Variants in NOS1AP observed in about 807,000 individuals in gnomAD.
NOS1AP encodes the protein carboxyl-terminal PDZ ligand of neuronal nitric oxide synthase protein.
In NOS1AP, 21 loss-of-function variants were observed where a neutral mutation model predicts 56.2. The observed-to-expected ratio is 0.37, with a 90% CI of 0.26 to 0.54. NOS1AP has a LOEUF of 0.54. NOS1AP is among the 20% of genes least tolerant of loss of function. The probability of loss-of-function intolerance (pLI) is 0.84; values close to 1 mark genes in which losing one functional copy is unlikely to be tolerated. For synonymous variants in NOS1AP, 270 were observed against 274.6 expected, an observed-to-expected ratio of 0.98 and a Z score of 0.17; for missense variants, 522 against 657.8, an observed-to-expected ratio of 0.79 and a Z score of 2.26.
chr1:162,344,708 C>CA (rs60286000), intron 6 of NOS1AP, among the ~76,000 whole-genome samples: 65,199 of 135,048 alleles, frequency 0.48, 14,853 homozygotes, highest in East Asian at 0.79. Context: ...TAGGCTGCCT[C>CA]AAAAAAAAAA....
chr1:162,133,972 A>G (rs1430381584), intron 1 of NOS1AP, among the ~76,000 whole-genome samples: 1 of 152,250 alleles, frequency 6.6e-6, no homozygotes, highest in Non-Finnish European at 1.5e-5. Flanking sequence ...ATGTGAGATA[A>G]GCTAACTGGG....
chr1:162,091,811 A>G (rs1264619695), intron 1 of NOS1AP, among the ~76,000 whole-genome samples: 3 of 152,184 alleles, frequency 2.0e-5, no homozygotes, highest in Non-Finnish European at 4.4e-5. Flanking sequence ...AGTGCTGTGC[A>G]GTCTTGCTGT....
intron 2 of NOS1AP, among the ~76,000 whole-genome samples, chr1:162,252,316 G>T (rs1653892044): frequency 6.6e-6 from 1 of 152,248 alleles, no homozygotes; most frequent in East Asian, 1.9e-4. Context: ...CAACATGCTG[G>T]CTGGGATTAT....
At chr1:162,224,646 A>C (rs2101661342) in intron 2 of NOS1AP, among the ~76,000 whole-genome samples, 1 of 152,302 alleles carries the variant, frequency 6.6e-6, no homozygotes, top group African/African-American at 2.4e-5. Flanking sequence ...TAAAAGTGAA[A>C]AATTGTACTG....
chr1:162,307,187 TGTGC>T (rs1350058994), intron 4 of NOS1AP, among the ~76,000 whole-genome samples: 64 of 152,342 alleles, frequency 4.2e-4, no homozygotes, highest in African/African-American at 1.5e-3. Flanking sequence ...TGGAAGTCAC[TGTGC>T]TTTTGAGTTT....
chr1:162,110,084 G>A (rs1647655266), intron 1 of NOS1AP, among the ~76,000 whole-genome samples: 1 of 152,058 alleles, frequency 6.6e-6, no homozygotes, highest in African/African-American at 2.4e-5. Context: ...CCAGTGAGTG[G>A]GATAGCTGGG....
intron 6 of NOS1AP, among the ~76,000 whole-genome samples, chr1:162,350,469 C>G (rs2101814089): frequency 6.6e-6 from 1 of 152,324 alleles, no homozygotes; most frequent in African/African-American, 2.4e-5. Flanking sequence ...CCAGGTGGAG[C>G]CACTGCCCCT....
At chr1:162,174,012 G>A (rs1271379012) in intron 2 of NOS1AP, among the ~76,000 whole-genome samples, 1 of 152,086 alleles carries the variant, frequency 6.6e-6, no homozygotes, top group Non-Finnish European at 1.5e-5. Flanking sequence ...GATTCCTCAG[G>A]GATCTAGAAC....
intron 2 of NOS1AP, among the ~76,000 whole-genome samples, chr1:162,194,144 T>G (rs1651727666): frequency 6.6e-6 from 1 of 152,146 alleles, no homozygotes; most frequent in Admixed American, 6.6e-5. Context: ...TCTTTTCGTC[T>G]CCATCTGGTT....
Position 162,355,193 on chromosome 1 carries a change from A to G in NOS1AP, c.602A>G (p.Gln201Arg). ...NSNSSGDPGRQLTGAERASTA... is the reference protein window; with the variant it reads ...NSNSSGDPGRRLTGAERASTA... ...TCCCCTGTTGTTCCTGCAGGCCGCC[A>G]GCTCACTGGAGCCGAGAGGGCCTCC... Residue 201 changes from glutamine to arginine, a missense_variant, in exon 7 of 10, where the codon CAG becomes CGG. Physicochemically the swap from Gln to Arg is conservative, Grantham distance 43 (BLOSUM62 1). This residue lies in a region of NOS1AP where 178 missense variants were observed against 165.0 expected (regional missense o/e 1.08). Coordinates refer to ENST00000361897, the MANE Select transcript of NOS1AP (RefSeq NM_014697.3). 1 of 1,614,136 alleles carries G rather than the reference A, an allele frequency of 6.2e-7. No homozygotes were observed. Among genetic ancestry groups the G allele is most frequent in the Non-Finnish European group, 8.5e-7 (1 of 1,180,022 alleles).
At chr1:162,207,732 C>T (rs4233386) in intron 2 of NOS1AP, among the ~76,000 whole-genome samples, 126,027 of 152,162 alleles carry the variant, frequency 0.83, 52,521 homozygotes, top group East Asian at 0.88. Flanking sequence ...ACATACTGTA[C>T]GGTCTCAGTC....
intron 5 of NOS1AP, among the ~76,000 whole-genome samples, chr1:162,340,873 C>T (rs1475565119): frequency 1.3e-5 from 2 of 152,218 alleles, no homozygotes; most frequent in Non-Finnish European, 2.9e-5. Context: ...TACTTCCTTA[C>T]AGCCACTTTG....
At chr1:162,280,977 G>A (rs1181699770) in intron 2 of NOS1AP, among the ~76,000 whole-genome samples, 1 of 152,188 alleles carries the variant, frequency 6.6e-6, no homozygotes, top group East Asian at 1.9e-4. Context: ...CTGCCCCCAA[G>A]ATTCTGGTTC....
intron 4 of NOS1AP, among the ~76,000 whole-genome samples, chr1:162,332,208 G>A (rs893172260): frequency 6.6e-6 from 1 of 152,072 alleles, no homozygotes; most frequent in African/African-American, 2.4e-5. Flanking sequence ...GCCATGGTTT[G>A]GCCCAGGTGT....
chr1:162,260,290 G>C (rs1444408292), intron 2 of NOS1AP, among the ~76,000 whole-genome samples: 1 of 152,166 alleles, frequency 6.6e-6, no homozygotes, highest in Non-Finnish European at 1.5e-5. Flanking sequence ...CTCCTTCACA[G>C]TTTGACTTTA....
In NOS1AP at chr1:162,217,267, C is replaced by CTTTTTTTTTTTTTTTTTTTTTTTT. The variant is rs61378473; in HGVS notation, c.177+62805_177+62806insTTTTTTTTTTTTTTTTTTTTTTTT. 5.4e-4 allele frequency among the ~76,000 whole-genome samples: 37 copies of CTTTTTTTTTTTTTTTTTTTTTTTT among 68,392 alleles called. 10 individuals are homozygous for CTTTTTTTTTTTTTTTTTTTTTTTT. The highest frequency in any genetic ancestry group is 2.2e-3 in the East Asian group (4 of 1,840). 44.9% of individuals were successfully genotyped at this position (68,392 alleles called of 152,430 possible). A position where few individuals can be genotyped will look rare whatever the true frequency, so the allele number is the denominator to read the frequency against. ...TGGGTCCTGAAACAGCTGTTGTTAG[C>CTTTTTTTTTTTTTTTTTTTTTTTT]TTTTTTTTTTTTTTGAGATGAAGTC... is the stretch of plus-strand genomic sequence containing the variant. On this transcript the variant is annotated intron_variant, in intron 2 of 9. Transcript: ENST00000361897.
chr1:162,090,955 T>A (rs1271084846), intron 1 of NOS1AP, among the ~76,000 whole-genome samples: 1 of 152,254 alleles, frequency 6.6e-6, no homozygotes, highest in Non-Finnish European at 1.5e-5. Context: ...ACCTTGTTAC[T>A]TTTCTGTTGT....
intron 1 of NOS1AP, among the ~76,000 whole-genome samples, chr1:162,072,077 GA>G (rs1558086486): frequency 3.3e-5 from 5 of 151,644 alleles, no homozygotes; most frequent in African/African-American, 1.2e-4. Context: ...TAGATAGATA[GA>G]TAGATAGATA....
intron 1 of NOS1AP, among the ~76,000 whole-genome samples, chr1:162,085,926 T>G (rs1691990514): frequency 6.6e-6 from 1 of 152,164 alleles, no homozygotes; most frequent in African/African-American, 2.4e-5. Flanking sequence ...TTTTTCCTCT[T>G]TTATAGTTGC....
Sources: gnomAD v4.1 joint callset for allele counts (sites outside exome capture counted in the v4.1 genomes callset) on GRCh38, gnomAD v4.1.1 for gene constraint, gnomAD v4.1.1 regional missense constraint, MANE v1.5 for transcripts, NCBI Gene and HGNC (gene_info 2026-07-23, HGNC 2026-07-21) for gene names.